The following TYR variants were observed in gnomAD, a reference collection of about 807,000 sequenced individuals.
TYR encodes the protein tyrosinase.
TYR carries 58 observed loss-of-function variants against 51.5 expected under a neutral mutation model. The observed-to-expected ratio is 1.13, with a 90% CI of 0.91 to 1.40. TYR has a LOEUF of 1.40. Ranked by LOEUF, TYR falls within the 40% of genes most tolerant of loss-of-function variation. The pLI, the probability that TYR is intolerant of heterozygous loss-of-function variation, is 0.00. For synonymous variants in TYR, 263 were observed against 235.2 expected (o/e 1.12, Z -1.08); for missense variants, 732 against 647.4 (o/e 1.13, Z -1.42).
At chr11:89,198,697 C>T (rs1301146248) in intron 2 of TYR, among the ~76,000 whole-genome samples, 2 of 151,860 alleles carry the variant, frequency 1.3e-5, no homozygotes, top group African/African-American at 2.4e-5. Context: ...GAGACAGTCT[C>T]TGTCCTTACA....
chr11:89,211,419 G>A (rs1223942864), intron 2 of TYR, among the ~76,000 whole-genome samples: 1 of 152,120 alleles, frequency 6.6e-6, no homozygotes, highest in Non-Finnish European at 1.5e-5. Flanking sequence ...AAATATACGT[G>A]CACCCAATAT....
chr11:89,249,663 G>C (rs1944308765), intron 3 of TYR, among the ~76,000 whole-genome samples: 1 of 151,912 alleles, frequency 6.6e-6, no homozygotes, highest in Admixed American at 6.6e-5. Context: ...CTTTTGAAAA[G>C]TTTTCACAAA....
At chr11:89,286,622 T>C (rs1011996452) in intron 4 of TYR, among the ~76,000 whole-genome samples, 2 of 151,846 alleles carry the variant, frequency 1.3e-5, no homozygotes, top group Admixed American at 1.3e-4. Flanking sequence ...ATCAACCTTG[T>C]TCTGCCCTTT....
intron 3 of TYR, among the ~76,000 whole-genome samples, chr11:89,245,074 A>G (rs1441955579): frequency 1.3e-5 from 2 of 152,210 alleles, no homozygotes; most frequent in Non-Finnish European, 2.9e-5. Context: ...GCCGTTTGAT[A>G]CTATTGTTTG....
chr11:89,254,273 G>C (rs1251547314), intron 3 of TYR, among the ~76,000 whole-genome samples: 7 of 151,540 alleles, frequency 4.6e-5, no homozygotes, highest in African/African-American at 1.7e-4. Flanking sequence ...CAGGGATATT[G>C]GTCTGTAGTT....
intron 3 of TYR, among the ~76,000 whole-genome samples, chr11:89,267,318 T>A (rs1944537541): frequency 6.6e-6 from 1 of 151,970 alleles, no homozygotes; most frequent in African/African-American, 2.4e-5. Context: ...TGAATACACC[T>A]TTCTCCATCA....
chr11:89,289,246 G>T (rs1944829543), intron 4 of TYR, among the ~76,000 whole-genome samples: 1 of 152,044 alleles, frequency 6.6e-6, no homozygotes, highest in Non-Finnish European at 1.5e-5. Context: ...TCAAAAATGA[G>T]AAGGGGAAAC....
intron 3 of TYR, among the ~76,000 whole-genome samples, chr11:89,230,944 G>A (rs1414390869): frequency 4.0e-5 from 6 of 151,348 alleles, no homozygotes; most frequent in South Asian, 2.1e-4. Context: ...AAGCCAAGGC[G>A]GGCAGATCAT....
intron 2 of TYR, among the ~76,000 whole-genome samples, chr11:89,202,622 TACACACACAC>T (rs10526067): frequency 1.4e-5 from 2 of 141,280 alleles, no homozygotes; most frequent in Admixed American, 7.1e-5. Flanking sequence ...ATTTTCATAA[TACACACACAC>T]ACACACACAC....
chr11:89,274,405 C>A (rs1463462536), intron 3 of TYR, among the ~76,000 whole-genome samples: 1 of 151,748 alleles, frequency 6.6e-6, no homozygotes, highest in Non-Finnish European at 1.5e-5. Context: ...GACCAAATAG[C>A]AAATACTTAA....
chr11:89,224,482 G>T (rs1283892008), intron 2 of TYR, among the ~76,000 whole-genome samples: 1 of 152,136 alleles, frequency 6.6e-6, no homozygotes, highest in Non-Finnish European at 1.5e-5. Flanking sequence ...TATCTTCAAA[G>T]TGGCATAGAT....
At chr11:89,282,702 G>A (rs1178723065) in intron 3 of TYR, among the ~76,000 whole-genome samples, 2 of 151,654 alleles carry the variant, frequency 1.3e-5, no homozygotes, top group Non-Finnish European at 3.0e-5. Context: ...CTTCTGTTGA[G>A]GAAACTGAAG....
rs1251481849 is a variant in TYR at position 89,256,424 on chromosome 11, G to C, written c.1185-28349G>C. Among the ~76,000 whole-genome samples the C allele has an allele frequency of 4.6e-5, 7 of 150,838 alleles. No homozygotes were observed. In the East Asian group the frequency reaches 1.2e-3, roughly 25 times the overall value. On this transcript the variant is annotated intron_variant, in intron 3 of 4. Transcript: ENST00000263321. The stretch of plus-strand genomic sequence containing the variant: ...GCTATAAAGAACTTTGTTTTCTATA[G>C]TTTTATACAAAATGATAGAGGTATG...
At chr11:89,267,183 C>T (rs1264699031) in intron 3 of TYR, among the ~76,000 whole-genome samples, 5 of 151,812 alleles carry the variant, frequency 3.3e-5, no homozygotes, top group Non-Finnish European at 7.4e-5. Context: ...ATGTTGGAAA[C>T]CAGAAAGTAT....
chr11:89,236,068 T>C (rs748117038), intron 3 of TYR, among the ~76,000 whole-genome samples: 3 of 152,126 alleles, frequency 2.0e-5, no homozygotes, highest in Non-Finnish European at 4.4e-5. Flanking sequence ...ATGATATTCA[T>C]TTACATATTG....
In TYR at chr11:89,178,091, T is replaced by C; in HGVS notation, c.138T>C (p.Cys46=). Residue 46 remains cysteine, a synonymous_variant, in exon 1 of 5, where the codon TGT becomes TGC. Coordinates refer to ENST00000263321, the MANE Select transcript of TYR (RefSeq NM_000372.5). ...CGTGGAGCGGGGACAGGAGTCCCTG[T>C]GGCCAGCTTTCAGGCAGAGGTTCCT... ...CPPWSGDRSP[C]GQLSGRGSCQ... is the part of the protein sequence containing the mutation. The C allele has an allele frequency of 1.9e-6, 3 of 1,614,218 alleles. No homozygotes were observed. The highest frequency in any genetic ancestry group is 2.5e-6 in the Non-Finnish European group (3 of 1,180,044).
At chr11:89,231,536 GAC>G (rs1207631648) in intron 3 of TYR, among the ~76,000 whole-genome samples, 1 of 143,040 alleles carries the variant, frequency 7.0e-6, no homozygotes, top group Non-Finnish European at 1.5e-5. Context: ...AAATGAGTCA[GAC>G]ACACAAAGAC....
intron 2 of TYR, among the ~76,000 whole-genome samples, 182 bp downstream of exon 2, chr11:89,191,600 G>A (rs955203236): frequency 6.6e-6 from 1 of 152,010 alleles, no homozygotes; most frequent in Non-Finnish European, 1.5e-5. Context: ...AATTCAACGT[G>A]TTAGCTTCAG....
intron 3 of TYR, among the ~76,000 whole-genome samples, chr11:89,280,904 G>C (rs536368365): frequency 6.6e-6 from 1 of 151,640 alleles, no homozygotes; most frequent in African/African-American, 2.4e-5. Context: ...TAGTGTATTT[G>C]TTTTTGTCTC....
Sources: gnomAD v4.1 joint callset for allele counts (sites outside exome capture counted in the v4.1 genomes callset) on GRCh38, gnomAD v4.1.1 for gene constraint, MANE v1.5 for transcripts, NCBI Gene and HGNC (gene_info 2026-07-23, HGNC 2026-07-21) for gene names.